Variants in FUZ observed in about 807,000 individuals in gnomAD.
The protein encoded by FUZ is protein fuzzy homolog.
Under a neutral mutation model 43.1 loss-of-function variants are expected in FUZ, and 31 were observed. That is an observed-to-expected ratio of 0.72 (90% CI 0.54 to 0.97). The LOEUF (loss-of-function observed/expected upper bound fraction) is 0.97. FUZ is among the 50% of genes least tolerant of loss of function. FUZ has a pLI of 0.00. For missense variants in FUZ, 539 were observed against 543.8 expected (o/e 0.99, Z 0.09); for synonymous variants, 274 against 250.0 (o/e 1.10, Z -0.91).
chr19:49,812,904 C>A, intron 1 of FUZ, 92 bp downstream of exon 1: 1 of 1,367,144 alleles, frequency 7.3e-7, no homozygotes. Context: ...ACAAATTCAA[C>A]ACTGAAACTT....
upstream of FUZ, chr19:49,813,545 A>G (rs1330841201): frequency 3.1e-6 from 1 of 321,388 alleles, no homozygotes; most frequent in East Asian, 8.3e-5. Context: ...GTCCCAAAGC[A>G]TTGCCTAGCA....
At chr19:49,812,029 A>G (rs1295293843) in intron 3 of FUZ, among the ~76,000 whole-genome samples, 1 of 152,130 alleles carries the variant, frequency 6.6e-6, no homozygotes, top group Non-Finnish European at 1.5e-5. Flanking sequence ...AATCGCTTGA[A>G]CCTGGGAGGC....
At position 49,809,122 on chromosome 19, in the gene FUZ, G is replaced by A; in HGVS notation, c.786+41C>T. 1 of 1,525,154 alleles carries A rather than the reference G, an allele frequency of 6.6e-7. No individual in the cohort carries two copies. Among genetic ancestry groups the A allele is most frequent in the South Asian group, 1.2e-5 (1 of 83,522 alleles). The allele number at this position is 1,525,154 out of a possible 1,614,324, so 94.5% of individuals were successfully genotyped here. On this transcript the variant is annotated intron_variant, in intron 7 of 10. Transcript: ENST00000313777. This position sits in a 1 kb window ranked among gnomAD's most constrained non-coding sequence, Gnocchi z 5.1. ...GGTGGGGAAGGGCCCTCCTGGTAGC[G>A]GGTGTCCTAAGAGCGAAAGCGGGAC...
Position 49,807,103 on chromosome 19 carries a change from G to A in FUZ, c.*48C>T, listed in dbSNP as rs753198779. On this transcript the variant is annotated 3_prime_UTR_variant, in exon 11 of 11. Transcript: ENST00000313777. ...GTATTATTGTGAGCGAATAAACAGA[G>A]AGACGCTAACAGCCCCATGTCTGTG... 6.6e-7 allele frequency: 1 copy of A among 1,508,318 alleles called. No individual in the cohort carries two copies. Among genetic ancestry groups the A allele is most frequent in the Admixed American group, 1.8e-5 (1 of 55,876 alleles). The allele number at this position is 1,508,318 out of a possible 1,614,324, so 93.4% of individuals were successfully genotyped here.
In FUZ at chr19:49,812,599, G is replaced by C; in HGVS notation, c.233+16C>G. On this transcript the variant is annotated intron_variant, in intron 2 of 10. Transcript: ENST00000313777. ...CACCCAGGCCCTGTCCCTGTCCCAC[G>C]TTCCCTCCTGGGGACCTGTCATGGA... 6.2e-7 allele frequency: 1 copy of C among 1,614,046 alleles called. No homozygotes were observed. The highest frequency in any genetic ancestry group is 8.5e-7 in the Non-Finnish European group (1 of 1,179,992).
chr19:49,812,742 G>T lies in FUZ; in HGVS notation c.112-6C>A. On this transcript the variant is annotated splice_polypyrimidine_tract_variant and splice_region_variant and intron_variant, in intron 1 of 10. Coordinates refer to ENST00000313777, the MANE Select transcript of FUZ (RefSeq NM_025129.5). Reference sequence around the variant, plus strand: ...CCGATGACAGAGAACGGGAGCTAAGGAGGGGTTAGGGACATCAGACAAGAG... The same window carrying T: ...CCGATGACAGAGAACGGGAGCTAAGTAGGGGTTAGGGACATCAGACAAGAG... The T allele has an allele frequency of 2.5e-6, 4 of 1,613,490 alleles. No homozygotes were observed. Among genetic ancestry groups the T allele is most frequent in the Non-Finnish European group, 3.4e-6 (4 of 1,180,012 alleles).
chr19:49,813,011 G>A lies in FUZ; in HGVS notation c.96C>T (p.Ala32=), dbSNP rs2073866007. ...AAGGCCCCACCTGCTGACGGGCGGG[G>A]GCGCCGCCGCGACTGCTCCTGCAGA... is the stretch of plus-strand genomic sequence containing the variant. ...PLFCRSSRGG[A]PARQQLPFSV... is the part of the protein sequence containing the mutation. The change falls in exon 1 of 11, where the codon GCC becomes GCT. Residue 32 remains alanine (A), a synonymous_variant. Transcript: ENST00000313777. 6.4e-7 allele frequency: 1 copy of A among 1,551,056 alleles called. No homozygotes were observed. Among genetic ancestry groups the A allele is most frequent in the Non-Finnish European group, 8.7e-7 (1 of 1,146,942 alleles).
chr19:49,807,229 C>A lies in FUZ; in HGVS notation c.1179G>T (p.Leu393=). 1 of 1,612,614 alleles carries A rather than the reference C, an allele frequency of 6.2e-7. No homozygotes were observed. Among genetic ancestry groups the A allele is most frequent in the Non-Finnish European group, 8.5e-7 (1 of 1,179,610 alleles). ...LQLGLRRLLL[L]LSPQSPTHGL... ...CATGGGTGGGACTCTGGGGAGACAG[C>A]AGCAGCAGCAGCCGCCGAAGCCCCA... is the stretch of plus-strand genomic sequence containing the variant. The change falls in exon 11 of 11, where the codon CTG becomes CTT. Residue 393 remains leucine (L), a synonymous_variant. Coordinates refer to ENST00000313777, the MANE Select transcript of FUZ (RefSeq NM_025129.5).
At chr19:49,808,231 A>ACCTCCCTTCC (rs995372976) in intron 10 of FUZ, 183 bp downstream of exon 10, 32 of 687,668 alleles carry the variant, frequency 4.7e-5, no homozygotes, top group Middle Eastern at 7.6e-4. Flanking sequence ...CCAGGCGGGG[A>ACCTCCCTTCC]CCTCCCTTCC....
Position 49,809,094 on chromosome 19 carries a change from G to A in FUZ, c.786+69C>T, listed in dbSNP as rs1351860944. 7.2e-7 allele frequency: 1 copy of A among 1,387,472 alleles called. No homozygotes were observed. The highest frequency in any genetic ancestry group is 2.5e-5 in the East Asian group (1 of 40,122). 85.9% of individuals were successfully genotyped at this position (1,387,472 alleles called of 1,614,324 possible). On this transcript the variant is annotated intron_variant, in intron 7 of 10. Transcript: ENST00000313777. The surrounding 1 kb of genome is among the most constrained non-coding windows in gnomAD (Gnocchi z 5.1). The stretch of plus-strand genomic sequence containing the variant: ...GGGAAAGATGCCGCTGGCAGGGCAG[G>A]GTGGTGGGGAAGGGCCCTCCTGGTA...
rs752175127 is a variant in FUZ, at chr19:49,812,615, C to T, written c.233G>A (p.Ser78Asn). The change falls in exon 2 of 11, where the codon AGC becomes AAC. Residue 78 changes from serine (S) to asparagine (N), a missense_variant and splice_region_variant. Transcript: ENST00000313777. ...TTVVWKSFHD[S>N]ITLIVLSSEV... ...CTGTCCCACGTTCCCTCCTGGGGAC[C>T]TGTCATGGAAGCTTTTCCACACCAC... 1.2e-5 allele frequency: 19 copies of T among 1,614,000 alleles called. No individual in the cohort carries two copies. The Admixed American group carries it at 3.2e-4, about 27-fold the overall frequency.
At position 49,812,244 on chromosome 19, in the gene FUZ, G is replaced by A. The variant is rs1191046852; in HGVS notation, c.318+7C>T. 1 of 1,607,298 alleles carries A rather than the reference G, an allele frequency of 6.2e-7. No homozygotes were observed. The highest frequency in any genetic ancestry group is 8.5e-7 in the Non-Finnish European group (1 of 1,174,244). ...TCTGGGGAGAAAAGAGGACTGGTGA[G>A]TCTCACCATGGCTCCAAACACCATT... On this transcript the variant is annotated splice_region_variant and intron_variant, in intron 3 of 10. Coordinates refer to ENST00000313777, the MANE Select transcript of FUZ (RefSeq NM_025129.5).
rs765549131 is a variant in FUZ at position 49,812,597 on chromosome 19, A to G, written c.233+18T>C. On this transcript the variant is annotated intron_variant, in intron 2 of 10. Transcript: ENST00000313777. ...ATCACCCAGGCCCTGTCCCTGTCCC[A>G]CGTTCCCTCCTGGGGACCTGTCATG... The G allele has an allele frequency of 6.8e-6, 11 of 1,613,956 alleles. No individual in the cohort carries two copies. In the African/African-American group the frequency reaches 1.5e-4, roughly 22 times the overall value.
Position 49,808,875 on chromosome 19 carries a change from G to T in FUZ, c.787-52C>A, listed in dbSNP as rs1462797577. The T allele has an allele frequency of 2.9e-6, 4 of 1,392,008 alleles. No individual in the cohort carries two copies. The Admixed American group carries it at 7.9e-5, about 27-fold the overall frequency. The allele number at this position is 1,392,008 out of a possible 1,614,324, so 86.2% of individuals were successfully genotyped here. A position where few individuals can be genotyped will look rare whatever the true frequency, so the allele number is the denominator to read the frequency against. On this transcript the variant is annotated intron_variant, in intron 7 of 10. Transcript: ENST00000313777. The stretch of plus-strand genomic sequence containing the variant: ...TCGTCATGGGAAGGCGGGGCCGGCG[G>T]GGGAGGTCGGGGGGTGTACAAGGAT...
chr19:49,811,330 CAGGTGTAAG>C, intron 5 of FUZ, 24 bp downstream of exon 5: 1 of 1,442,616 alleles, frequency 6.9e-7, no homozygotes, highest in Non-Finnish European at 9.6e-7. Flanking sequence ...GCCAGCAGAA[CAGGTGTAAG>C]AGTTTCCATA....
Position 49,808,633 on chromosome 19 carries a change from A to C in FUZ, c.899T>G (p.Leu300Arg). 1 of 1,613,340 alleles carries C rather than the reference A, an allele frequency of 6.2e-7. No homozygotes were observed. The highest frequency in any genetic ancestry group is 8.5e-7 in the Non-Finnish European group (1 of 1,179,718). ...FPLHTDILGL[L>R]LLHLELKRCL... ...GCGCTTCAGTTCCAGGTGGAGGAGC[A>C]GCAGCCTGTGGGAAAGGGAAGGGAA... Residue 300 changes from leucine (L) to arginine (R), a missense_variant, in exon 9 of 11, where the codon CTG (leucine) becomes CGG (arginine). By Grantham distance (102) the Leu-to-Arg change is moderately radical. Transcript: ENST00000313777.
Position 49,809,831 on chromosome 19 carries a change from G to T in FUZ, c.493-256C>A, listed in dbSNP as rs556357490. On this transcript the variant is annotated intron_variant, in intron 5 of 10. Transcript: ENST00000313777. The surrounding 1 kb of genome is among the most constrained non-coding windows in gnomAD (Gnocchi z 5.1). ...GGGCGGGCAAACTGAAGCTAATAAT[G>T]TAACCGCAGCAGCTACCGTTCATCC... The T allele has an allele frequency of 4.0e-4, 229 of 575,176 alleles. 1 individual carries two copies. In the African/African-American group the frequency reaches 4.1e-3, roughly 10 times the overall value. The allele number at this position is 575,176 out of a possible 1,614,324, so 35.6% of individuals were successfully genotyped here.
At chr19:49,811,188 A>G in intron 5 of FUZ, 175 bp downstream of exon 5, 2 of 669,730 alleles carry the variant, frequency 3.0e-6, no homozygotes, top group Non-Finnish European at 2.7e-6. Context: ...AAAGAAAAGA[A>G]AGAGAAAGAA....
In FUZ at chr19:49,812,346, G is replaced by C. The variant is rs773250609; in HGVS notation, c.234-11C>G. The C allele has an allele frequency of 1.2e-5, 19 of 1,611,010 alleles. No homozygotes were observed. The highest frequency in any genetic ancestry group is 1.6e-5 in the Non-Finnish European group (19 of 1,177,312). On this transcript the variant is annotated splice_polypyrimidine_tract_variant and intron_variant, in intron 2 of 10. Coordinates refer to ENST00000313777, the MANE Select transcript of FUZ (RefSeq NM_025129.5). ...ACAATGAGGGTGATGCTGTGGAATG[G>C]AAGTGAGAAGAATGAGTCAAGGCCT... is the stretch of plus-strand genomic sequence containing the variant.
Sources: gnomAD v4.1 joint callset for allele counts (sites outside exome capture counted in the v4.1 genomes callset) on GRCh38, gnomAD v4.1.1 for gene constraint, Gnocchi (gnomAD v3.1) non-coding constraint, MANE v1.5 for transcripts, NCBI Gene and HGNC (gene_info 2026-07-23, HGNC 2026-07-21) for gene names.